NBEA: variants seen among roughly 807,000 people sequenced by gnomAD.
The protein encoded by NBEA is lysosomal-trafficking regulator 2.
NBEA carries 44 observed loss-of-function variants against 343.4 expected under a neutral mutation model. The observed-to-expected ratio is 0.13, with a 90% confidence interval of 0.10 to 0.16. The LOEUF is 0.16. Among genes scored for constraint, NBEA ranks in the 10% least tolerant of loss-of-function variants. The probability of loss-of-function intolerance (pLI) is 1.00; values close to 1 mark genes in which losing one functional copy is unlikely to be tolerated. For missense variants in NBEA, 2,555 were observed against 3,631.3 expected (o/e 0.70, Z 7.62); for synonymous variants, 1,175 against 1,238.7 (o/e 0.95, Z 1.08).
intron 34 of NBEA, among the ~76,000 whole-genome samples, chr13:35,276,354 G>T (rs1014659408): frequency 2.0e-5 from 3 of 152,106 alleles, no homozygotes; most frequent in African/African-American, 7.2e-5. Context: ...TGTGAGCTTG[G>T]ATTGTTTTGA....
intron 1 of NBEA, among the ~76,000 whole-genome samples, chr13:34,991,671 T>G (rs1326095366): frequency 6.6e-6 from 1 of 152,184 alleles, no homozygotes; most frequent in Non-Finnish European, 1.5e-5. Flanking sequence ...AATTTTCACT[T>G]CAAGCAGTCA....
chr13:35,057,304 G>C (rs565239478), intron 7 of NBEA, among the ~76,000 whole-genome samples: 5 of 152,164 alleles, frequency 3.3e-5, no homozygotes, highest in African/African-American at 1.2e-4. Flanking sequence ...TGTGCATATG[G>C]TCCACAGTTT....
intron 1 of NBEA, among the ~76,000 whole-genome samples, chr13:34,961,995 AT>A (rs1157313550): frequency 6.6e-6 from 1 of 152,114 alleles, no homozygotes; most frequent in Non-Finnish European, 1.5e-5. Context: ...TATTTACTAC[AT>A]TTTGAAATGA....
intron 38 of NBEA, among the ~76,000 whole-genome samples, chr13:35,356,269 A>G (rs1262359072): frequency 6.6e-6 from 1 of 152,190 alleles, no homozygotes; most frequent in Non-Finnish European, 1.5e-5. Flanking sequence ...ACTCTAAAAC[A>G]GGTGTTCACA....
At chr13:35,096,509 A>T (rs927114968) in intron 10 of NBEA, among the ~76,000 whole-genome samples, 4 of 151,872 alleles carry the variant, frequency 2.6e-5, no homozygotes, top group African/African-American at 9.7e-5. Context: ...GCAATTTTAC[A>T]TGGTTCTATA....
At chr13:35,207,311 A>C (rs895732357) in intron 31 of NBEA, among the ~76,000 whole-genome samples, 1 of 152,032 alleles carries the variant, frequency 6.6e-6, no homozygotes, top group African/African-American at 2.4e-5. Flanking sequence ...CTTTAGGTAG[A>C]TTTTTTTCAT....
At position 35,349,089 on chromosome 13, in the gene NBEA, A is replaced by G. The variant is rs183900391; in HGVS notation, c.5904-19A>G. 7.2e-6 allele frequency: 10 copies of G among 1,384,576 alleles called. No individual in the cohort carries two copies. The East Asian group carries it at 1.9e-4, about 27-fold the overall frequency. 85.8% of individuals were successfully genotyped at this position (1,384,576 alleles called of 1,614,324 possible). A position where few individuals can be genotyped will look rare whatever the true frequency, so the allele number is the denominator to read the frequency against. Reference sequence around the variant, plus strand: ...AAAGCTATTAAGAATAATATTTCTAAAGGTATTTTTCTTTTTAGATTACTG... The same window carrying G: ...AAAGCTATTAAGAATAATATTTCTAGAGGTATTTTTCTTTTTAGATTACTG... On this transcript the variant is annotated intron_variant, in intron 36 of 58. Coordinates refer to ENST00000379939, the MANE Select transcript of NBEA (RefSeq NM_001385012.1).
intron 41 of NBEA, among the ~76,000 whole-genome samples, chr13:35,548,709 GAATT>G (rs1566303524): frequency 6.6e-6 from 1 of 152,096 alleles, no homozygotes; most frequent in Admixed American, 6.6e-5. Flanking sequence ...AAAAAAAAGA[GAATT>G]AATCCTGTAT....
chr13:34,996,853 T>A (rs561393838), intron 1 of NBEA, among the ~76,000 whole-genome samples: 1 of 152,280 alleles, frequency 6.6e-6, no homozygotes, highest in South Asian at 2.1e-4. Flanking sequence ...TTTAAAAATA[T>A]ATGTGACGAA....
At chr13:35,284,653 T>C (rs778855479) in intron 34 of NBEA, among the ~76,000 whole-genome samples, 4 of 152,200 alleles carry the variant, frequency 2.6e-5, no homozygotes, top group African/African-American at 9.6e-5. Context: ...GGATGTTTCA[T>C]GTCTATTTTT....
chr13:35,474,784 G>A (rs144467431), intron 41 of NBEA: 7 of 363,964 alleles, frequency 1.9e-5, no homozygotes, highest in African/African-American at 1.0e-4. Flanking sequence ...GGCTGTTTAC[G>A]GAGTGTTACG....
intron 1 of NBEA, among the ~76,000 whole-genome samples, chr13:34,985,586 A>G (rs775701259): frequency 2.0e-5 from 3 of 150,738 alleles, no homozygotes; most frequent in Non-Finnish European, 4.5e-5. Flanking sequence ...CTCTTTTTCT[A>G]TTAATTGGAA....
At position 35,649,854 on chromosome 13, in the gene NBEA, G is replaced by A. The variant is rs756593786; in HGVS notation, c.7963+7G>A. On this transcript the variant is annotated splice_region_variant and intron_variant, in intron 52 of 58. Coordinates refer to ENST00000379939, the MANE Select transcript of NBEA (RefSeq NM_001385012.1). ...AGATGGCACAACACAGTAGGTATGT[G>A]TGCCTGAGCAAATCACTTACTAAAG... The A allele has an allele frequency of 5.3e-5, 86 of 1,609,156 alleles. No individual in the cohort carries two copies. Among genetic ancestry groups the A allele is most frequent in the Non-Finnish European group, 6.1e-5 (72 of 1,178,788 alleles).
At position 35,628,255 on chromosome 13, in the gene NBEA, G is replaced by A. The variant is rs897761413; in HGVS notation, c.7617+7G>A. 1 of 1,567,376 alleles carries A rather than the reference G, an allele frequency of 6.4e-7. No homozygotes were observed. The highest frequency in any genetic ancestry group is 8.6e-7 in the Non-Finnish European group (1 of 1,157,922). ...TGATCCTGTGCTCAGGGAGGTAGGTGTTAAATCCCATATTATTCCAAAAAT... is the reference window on the plus strand; with the variant it reads ...TGATCCTGTGCTCAGGGAGGTAGGTATTAAATCCCATATTATTCCAAAAAT... On this transcript the variant is annotated splice_region_variant and intron_variant, in intron 49 of 58. Coordinates refer to ENST00000379939, the MANE Select transcript of NBEA (RefSeq NM_001385012.1).
At chr13:35,431,962 G>A (rs2045143587) in intron 38 of NBEA, among the ~76,000 whole-genome samples, 2 of 152,022 alleles carry the variant, frequency 1.3e-5, no homozygotes, top group South Asian at 4.1e-4. Flanking sequence ...TGTTGCCTTT[G>A]TTACTAAACT....
intron 34 of NBEA, chr13:35,251,674 T>A: frequency 1.5e-6 from 1 of 650,104 alleles, no homozygotes; most frequent in Non-Finnish European, 2.2e-6. Flanking sequence ...GGCTATCATC[T>A]CTGCCTATGA....
chr13:35,618,103 C>T (rs1039462647), intron 48 of NBEA, among the ~76,000 whole-genome samples: 3 of 152,112 alleles, frequency 2.0e-5, no homozygotes, highest in Non-Finnish European at 4.4e-5. Context: ...CTAGGATTAT[C>T]TTCAGTTATT....
In NBEA at chr13:35,185,018, T is replaced by G. The variant is rs542300990; in HGVS notation, c.4927+947T>G. On this transcript the variant is annotated intron_variant, in intron 30 of 58. Transcript: ENST00000379939. ...TCCAGGTGGGCTTGACCTAATCGCA[T>G]GAGCTCTGTAAAAGAAGAGAGTTTC... 2.8e-4 allele frequency among the ~76,000 whole-genome samples: 42 copies of G among 152,258 alleles called. No individual in the cohort carries two copies. In the South Asian group the frequency reaches 6.0e-3, roughly 22 times the overall value.
At chr13:35,524,057 G>A (rs1312169264) in intron 41 of NBEA, among the ~76,000 whole-genome samples, 1 of 152,112 alleles carries the variant, frequency 6.6e-6, no homozygotes, top group Non-Finnish European at 1.5e-5. Context: ...CTGTGTTCAT[G>A]CCTAAGACAA....
Sources: gnomAD v4.1 joint callset for allele counts (sites outside exome capture counted in the v4.1 genomes callset) on GRCh38, gnomAD v4.1.1 for gene constraint, MANE v1.5 for transcripts, NCBI Gene and HGNC (gene_info 2026-07-23, HGNC 2026-07-21) for gene names.